TTC1: variants seen among roughly 807,000 people sequenced by gnomAD.
The protein encoded by TTC1 is tetratricopeptide repeat protein 1.
TTC1 carries 31 observed loss-of-function variants against 37.6 expected under a neutral mutation model. The ratio of observed to expected loss-of-function variants is 0.82; its 90% CI spans 0.62 to 1.11. The LOEUF (loss-of-function observed/expected upper bound fraction) is 1.11, where lower values mean the gene tolerates loss of function less well. Ranked by LOEUF, TTC1 falls within the 50% of genes most tolerant of loss-of-function variation. The pLI is 0.00. For missense variants in TTC1, 351 were observed against 339.0 expected (o/e 1.04, Z -0.28); for synonymous variants, 127 against 122.4 (o/e 1.04, Z -0.25).
Position 160,032,702 on chromosome 5 carries a change from C to CTT in TTC1, c.331-2409_331-2408dup, listed in dbSNP as rs70987990. 9.5e-3 allele frequency among the ~76,000 whole-genome samples: 713 copies of CTT among 74,736 alleles called. 111 individuals are homozygous for CTT. The highest frequency in any genetic ancestry group is 0.028 in the African/African-American group (492 of 17,880). The allele number at this position is 74,736 out of a possible 152,430, so 49.0% of individuals were successfully genotyped here. ...AGCCTCCTTGAGTTCTACCTGCTTTCTTTTTTTTTTTTTTTTTTTTTTTTT... is the reference window on the plus strand; with the variant it reads ...AGCCTCCTTGAGTTCTACCTGCTTTCTTTTTTTTTTTTTTTTTTTTTTTTTTT... On this transcript the variant is annotated intron_variant, in intron 2 of 7. Coordinates refer to ENST00000231238, the MANE Select transcript of TTC1 (RefSeq NM_003314.3).
intron 2 of TTC1, among the ~76,000 whole-genome samples, chr5:160,028,368 C>A (rs1054251032): frequency 4.6e-5 from 7 of 151,198 alleles, no homozygotes; most frequent in Admixed American, 1.3e-4. Context: ...CTCTTTCTTC[C>A]CTTCTTCTGG....
chr5:160,053,404 C>G (rs1284795562), intron 7 of TTC1, among the ~76,000 whole-genome samples: 2 of 151,874 alleles, frequency 1.3e-5, no homozygotes, highest in African/African-American at 4.8e-5. Context: ...AAAATCCTGT[C>G]ACTAAAAAAA....
Position 160,010,876 on chromosome 5 carries a change from T to A in TTC1, c.330+18T>A, listed in dbSNP as rs1357463257. 4.4e-6 allele frequency: 7 copies of A among 1,601,506 alleles called. No homozygotes were observed. Among genetic ancestry groups the A allele is most frequent in the Non-Finnish European group, 5.1e-6 (6 of 1,172,332 alleles). The stretch of plus-strand genomic sequence containing the variant: ...AGAAACAGGTAAGTATTTTATTTAT[T>A]GTGCAAGATCTGCCACTTACACTGC... On this transcript the variant is annotated intron_variant, in intron 2 of 7. Coordinates refer to ENST00000231238, the MANE Select transcript of TTC1 (RefSeq NM_003314.3).
intron 2 of TTC1, among the ~76,000 whole-genome samples, chr5:160,016,462 CAAATT>C (rs1402105298): frequency 6.6e-6 from 1 of 152,038 alleles, no homozygotes; most frequent in Non-Finnish European, 1.5e-5. Flanking sequence ...AATATAATGT[CAAATT>C]AATTAATCAG....
intron 7 of TTC1, among the ~76,000 whole-genome samples, chr5:160,053,082 C>A (rs1272488220): frequency 6.6e-6 from 1 of 152,140 alleles, no homozygotes; most frequent in Non-Finnish European, 1.5e-5. Context: ...TTTCAGCCCC[C>A]ACAAGAGCTT....
intron 2 of TTC1, among the ~76,000 whole-genome samples, chr5:160,027,109 G>A (rs1367341666): frequency 6.6e-6 from 1 of 151,288 alleles, no homozygotes; most frequent in South Asian, 2.1e-4. Flanking sequence ...GATCACTGCG[G>A]CCTCCACCTC....
chr5:160,015,610 C>T (rs2113342805), intron 2 of TTC1, among the ~76,000 whole-genome samples: 1 of 152,310 alleles, frequency 6.6e-6, no homozygotes, highest in East Asian at 1.9e-4. Flanking sequence ...CTCTGCACCC[C>T]TTCTCCCTCT....
chr5:160,051,193 C>T lies in TTC1; in HGVS notation c.745+10C>T. ...AAAGAAGAGATGTTAGGTAAGCTTACTTCTTACTTTGCTTGATCATAAACA... is the reference window on the plus strand; with the variant it reads ...AAAGAAGAGATGTTAGGTAAGCTTATTTCTTACTTTGCTTGATCATAAACA... On this transcript the variant is annotated intron_variant, in intron 7 of 7. Transcript: ENST00000231238. 1 of 1,603,206 alleles carries T rather than the reference C, an allele frequency of 6.2e-7. No individual in the cohort carries two copies. Among genetic ancestry groups the T allele is most frequent in the Non-Finnish European group, 8.5e-7 (1 of 1,173,644 alleles).
chr5:160,037,598 C>T (rs1386664532), intron 4 of TTC1, among the ~76,000 whole-genome samples: 1 of 152,152 alleles, frequency 6.6e-6, no homozygotes, highest in African/African-American at 2.4e-5. Flanking sequence ...CACCTGTAAT[C>T]CCATCTACTC....
chr5:160,062,278 T>G (rs1354035227), intron 7 of TTC1, among the ~76,000 whole-genome samples: 1 of 152,232 alleles, frequency 6.6e-6, no homozygotes, highest in Non-Finnish European at 1.5e-5. Flanking sequence ...ATGGTCTTTC[T>G]GCACTAGAGG....
chr5:160,013,020 T>C (rs1402449735), intron 2 of TTC1, among the ~76,000 whole-genome samples: 1 of 152,240 alleles, frequency 6.6e-6, no homozygotes, highest in Non-Finnish European at 1.5e-5. Flanking sequence ...TATTCATGTT[T>C]AAAACATAAA....
At position 160,045,518 on chromosome 5, in the gene TTC1, ACACTCTCTCTCT is replaced by A. The variant is rs1561634937; in HGVS notation, c.541+2351_541+2362del. 1.0e-3 allele frequency among the ~76,000 whole-genome samples: 69 copies of A among 65,734 alleles called. 2 individuals are homozygous for A. The highest frequency in any genetic ancestry group is 4.8e-3 in the African/African-American group (62 of 12,978). 43.1% of individuals were successfully genotyped at this position (65,734 alleles called of 152,430 possible). ...CACACACACACACACACACACATAC[ACACTCTCTCTCT>A]CTCTCTCTCTCTCTCTCTCTCTCCC... On this transcript the variant is annotated intron_variant, in intron 5 of 7. Transcript: ENST00000231238.
intron 2 of TTC1, among the ~76,000 whole-genome samples, chr5:160,028,460 C>T (rs569903948): frequency 4.1e-4 from 63 of 151,838 alleles, no homozygotes; most frequent in East Asian, 1.9e-3. Flanking sequence ...TAATTTCTTT[C>T]GATACAACTT....
At chr5:160,044,053 G>A (rs7717891) in intron 5 of TTC1, among the ~76,000 whole-genome samples, 26,933 of 152,078 alleles carry the variant, frequency 0.18, 2,640 homozygotes, top group East Asian at 0.27. Flanking sequence ...TGTGAAGAAT[G>A]TACATAATCA....
At chr5:160,013,838 A>C (rs2113340592) in intron 2 of TTC1, among the ~76,000 whole-genome samples, 1 of 152,154 alleles carries the variant, frequency 6.6e-6, no homozygotes, top group South Asian at 2.1e-4. Context: ...GTTGGAACTC[A>C]TATACTAATA....
chr5:160,037,819 T>C (rs187096190), intron 4 of TTC1, among the ~76,000 whole-genome samples: 440 of 151,416 alleles, frequency 2.9e-3, no homozygotes, highest in Non-Finnish European at 4.5e-3. Flanking sequence ...TTTTAAACTA[T>C]GGCTACTTAC....
At chr5:160,041,651 T>G (rs2113375720) in intron 4 of TTC1, among the ~76,000 whole-genome samples, 2 of 152,246 alleles carry the variant, frequency 1.3e-5, no homozygotes, top group South Asian at 4.1e-4. Flanking sequence ...GCAGTAGGTT[T>G]GTTTACCCCA....
intron 7 of TTC1, among the ~76,000 whole-genome samples, chr5:160,062,999 A>C (rs1168996547): frequency 6.6e-6 from 1 of 152,146 alleles, no homozygotes; most frequent in Non-Finnish European, 1.5e-5. Flanking sequence ...GGTTTATGCC[A>C]GTGATTTCCT....
chr5:160,009,425 C>G (rs1056384022), intron 1 of TTC1, among the ~76,000 whole-genome samples: 1 of 152,230 alleles, frequency 6.6e-6, no homozygotes, highest in South Asian at 2.1e-4. Flanking sequence ...CAAATTCAGA[C>G]TCTTGTCGTG....
Sources: allele counts gnomAD v4.1 joint callset (sites outside exome capture counted in the v4.1 genomes callset), GRCh38; gene constraint gnomAD v4.1.1; transcripts MANE v1.5; gene names NCBI Gene and HGNC (gene_info 2026-07-23, HGNC 2026-07-21).